Variants in SLCO5A1 observed in about 807,000 individuals in gnomAD.
SLCO5A1 encodes organic anion transporter polypeptide-related protein 4.
Under a neutral mutation model 65.1 loss-of-function variants are expected in SLCO5A1, and 39 were observed. The ratio of observed to expected loss-of-function variants is 0.60; its 90% confidence interval spans 0.46 to 0.78. The LOEUF is 0.78. Among genes scored for constraint, SLCO5A1 ranks in the 30% least tolerant of loss-of-function variants. The probability of loss-of-function intolerance (pLI) is 0.00; values close to 1 mark genes in which losing one functional copy is unlikely to be tolerated. For missense variants in SLCO5A1, 1,029 were observed against 1,069.4 expected, an observed-to-expected ratio of 0.96 and a Z score of 0.53; for synonymous variants, 438 against 415.7, an observed-to-expected ratio of 1.05 and a Z score of -0.65.
At chr8:69,800,163 G>A (rs1181385239) in intron 2 of SLCO5A1, among the ~76,000 whole-genome samples, 1 of 150,246 alleles carries the variant, frequency 6.7e-6, no homozygotes, top group East Asian at 1.9e-4. Flanking sequence ...TTTCTTTTTT[G>A]GATGTAAAGG....
At chr8:69,722,077 C>A (rs1350483983) in intron 5 of SLCO5A1, among the ~76,000 whole-genome samples, 1 of 152,134 alleles carries the variant, frequency 6.6e-6, no homozygotes, top group Non-Finnish European at 1.5e-5. Context: ...GAGGCTGAGA[C>A]AGGAGAATCG....
chr8:69,830,926 C>T (rs1199221228), intron 2 of SLCO5A1, among the ~76,000 whole-genome samples: 1 of 152,208 alleles, frequency 6.6e-6, no homozygotes. Flanking sequence ...GTTGCTTCTT[C>T]ATAAAGGTAA....
At chr8:69,736,312 G>C (rs1354498630) in intron 5 of SLCO5A1, among the ~76,000 whole-genome samples, 1 of 152,212 alleles carries the variant, frequency 6.6e-6, no homozygotes, top group Non-Finnish European at 1.5e-5. Context: ...AGCTCCAGCT[G>C]AACCCTTTAT....
intron 9 of SLCO5A1, among the ~76,000 whole-genome samples, chr8:69,675,898 C>A (rs918797357): frequency 6.6e-6 from 1 of 152,138 alleles, no homozygotes; most frequent in African/African-American, 2.4e-5. Context: ...ATGACAAAGA[C>A]GTCAATTTAA....
At chr8:69,721,405 A>G (rs753230406) in intron 5 of SLCO5A1, among the ~76,000 whole-genome samples, 3 of 152,370 alleles carry the variant, frequency 2.0e-5, no homozygotes, top group Non-Finnish European at 2.9e-5. Context: ...CATGTATTTA[A>G]CTACCTCGTG....
intron 2 of SLCO5A1, among the ~76,000 whole-genome samples, chr8:69,789,617 C>T (rs1014031216): frequency 6.6e-6 from 1 of 152,112 alleles, no homozygotes; most frequent in East Asian, 1.9e-4. Flanking sequence ...TATCGTACAA[C>T]ATGAGAACTA....
At chr8:69,801,427 T>C (rs939999122) in intron 2 of SLCO5A1, among the ~76,000 whole-genome samples, 2 of 152,218 alleles carry the variant, frequency 1.3e-5, no homozygotes, top group Admixed American at 1.3e-4. Context: ...AAGAAAAAGA[T>C]AGGTTTCACC....
intron 2 of SLCO5A1, among the ~76,000 whole-genome samples, chr8:69,786,231 AG>A (rs2130888129): frequency 6.6e-6 from 1 of 152,322 alleles, no homozygotes; most frequent in South Asian, 2.1e-4. Context: ...TCTCTTTAAG[AG>A]TTCTGCATTT....
rs1179164763 is a variant in SLCO5A1 at position 69,711,198 on chromosome 8, ACGG to A, written c.1424-5972_1424-5970del. ...AAGATGGGTTCTCCCGGCAGAAGTT[ACGG>A]TCCTGCCGCTAGCCCTCTCTGAGCT... On this transcript the variant is annotated intron_variant, in intron 5 of 9. Transcript: ENST00000260126. Among the ~76,000 whole-genome samples the A allele has an allele frequency of 1.2e-3, 182 of 152,258 alleles. 1 individual carries two copies. Among genetic ancestry groups the A allele is most frequent in the African/African-American group, 4.2e-3 (176 of 41,558 alleles).
intron 2 of SLCO5A1, among the ~76,000 whole-genome samples, chr8:69,772,111 C>A (rs930826909): frequency 6.6e-6 from 1 of 152,188 alleles, no homozygotes; most frequent in African/African-American, 2.4e-5. Context: ...AAAAACCCAA[C>A]AGGGCTGCAT....
In SLCO5A1 at chr8:69,738,139, T is replaced by C. The variant is rs1816640073; in HGVS notation, c.1324A>G (p.Thr442Ala). Residue 442 changes from threonine to alanine, a missense_variant, in exon 5 of 10, where the codon ACA becomes GCA. By Grantham distance (58) the Thr-to-Ala change is moderately conservative. Transcript: ENST00000260126. ...MTFLFVSLSY[T>A]AESAIVTAFI... ...GCAGTTACAATGGCACTCTCAGCTG[T>C]GTATGACAAACTCACAAAAAGGAAT... is the stretch of plus-strand genomic sequence containing the variant. 2 of 1,613,746 alleles carry C rather than the reference T, an allele frequency of 1.2e-6. No individual in the cohort carries two copies. The highest frequency in any genetic ancestry group is 1.3e-5 in the African/African-American group (1 of 74,900).
intron 2 of SLCO5A1, among the ~76,000 whole-genome samples, chr8:69,783,376 A>G (rs1286303967): frequency 1.3e-5 from 2 of 152,022 alleles, no homozygotes; most frequent in East Asian, 1.9e-4. Context: ...CCCATTCTCT[A>G]TTGTGTGCTT....
At chr8:69,751,789 C>T (rs1473234489) in intron 4 of SLCO5A1, among the ~76,000 whole-genome samples, 2 of 152,110 alleles carry the variant, frequency 1.3e-5, no homozygotes, top group South Asian at 2.1e-4. Flanking sequence ...TCAGGTAATC[C>T]GCCCACCTTG....
At chr8:69,772,941 G>C (rs1322648364) in intron 2 of SLCO5A1, 1 of 985,300 alleles carries the variant, frequency 1.0e-6, no homozygotes, top group African/African-American at 1.7e-5. Flanking sequence ...GGTTCAGTGA[G>C]TGGGTGCAAC....
chr8:69,784,884 A>G (rs972301678), intron 2 of SLCO5A1, among the ~76,000 whole-genome samples: 15 of 133,754 alleles, frequency 1.1e-4, no homozygotes, highest in African/African-American at 3.8e-4. Context: ...AGAAAGAAAG[A>G]AAGAAGAAAG....
At chr8:69,695,454 C>T (rs1025756224) in intron 6 of SLCO5A1, among the ~76,000 whole-genome samples, 5 of 151,904 alleles carry the variant, frequency 3.3e-5, no homozygotes, top group Non-Finnish European at 5.9e-5. Flanking sequence ...CGAGATTGTG[C>T]CACTGCACTT....
intron 2 of SLCO5A1, among the ~76,000 whole-genome samples, chr8:69,793,465 A>AAAT (rs754693266): frequency 3.9e-5 from 6 of 151,944 alleles, no homozygotes; most frequent in African/African-American, 9.7e-5. Context: ...ATGTCAATAA[A>AAAT]AATAATAATA....
chr8:69,830,542 G>T (rs773916274), intron 2 of SLCO5A1, among the ~76,000 whole-genome samples: 1 of 152,034 alleles, frequency 6.6e-6, no homozygotes, highest in Non-Finnish European at 1.5e-5. Flanking sequence ...TGTTTAGGTT[G>T]CACTCCAGTA....
chr8:69,714,270 CATA>C lies in SLCO5A1; in HGVS notation c.1424-9044_1424-9042del, dbSNP rs558710430. Among the ~76,000 whole-genome samples, 37 of 152,156 alleles carry C rather than the reference CATA, an allele frequency of 2.4e-4. 1 individual carries two copies. In the Middle Eastern group the frequency reaches 9.5e-3, roughly 39 times the overall value. ...AGAGAACAAACTTTTTCTCTAAAGCCATAATATTTCACAGCATAGCTTCAAGCC... is the reference window on the plus strand; with the variant it reads ...AGAGAACAAACTTTTTCTCTAAAGCCATATTTCACAGCATAGCTTCAAGCC... On this transcript the variant is annotated intron_variant, in intron 5 of 9. Coordinates refer to ENST00000260126, the MANE Select transcript of SLCO5A1 (RefSeq NM_030958.3).
Sources: allele counts gnomAD v4.1 joint callset (sites outside exome capture counted in the v4.1 genomes callset), GRCh38; gene constraint gnomAD v4.1.1; transcripts MANE v1.5; gene names NCBI Gene and HGNC (gene_info 2026-07-23, HGNC 2026-07-21).